The following PPP1R13B variants were observed in gnomAD, a reference collection of about 807,000 sequenced individuals.
PPP1R13B encodes protein phosphatase 1 regulatory subunit 13B.
PPP1R13B carries 44 observed loss-of-function variants against 119.8 expected under a neutral mutation model. The observed-to-expected ratio is 0.37, with a 90% CI of 0.29 to 0.47. PPP1R13B has a LOEUF of 0.47. Ranked by LOEUF, PPP1R13B falls within the 20% of genes least tolerant of loss-of-function variation. The pLI is 0.99. For synonymous variants in PPP1R13B, 542 were observed against 561.5 expected (o/e 0.97, Z 0.49); for missense variants, 1,227 against 1,413.5 (o/e 0.87, Z 2.12).
At chr14:103,828,356 C>A (rs374051389) in intron 1 of PPP1R13B, among the ~76,000 whole-genome samples, 1 of 128,774 alleles carries the variant, frequency 7.8e-6, no homozygotes, top group Non-Finnish European at 1.6e-5. Context: ...GCAACAAGAG[C>A]GAAACTCTGT....
intron 1 of PPP1R13B, chr14:103,804,094 T>C: frequency 1.0e-6 from 1 of 983,542 alleles, no homozygotes; most frequent in Non-Finnish European, 1.2e-6. Flanking sequence ...GCTCCATTTT[T>C]TTTTTCATTC....
At position 103,762,698 on chromosome 14, in the gene PPP1R13B, G is replaced by A. The variant is rs1339173980; in HGVS notation, c.355-4947C>T. ...AAACGGGAACCAAGAGCAAGAGAAC[G>A]ACTCAGTCCCTGGGTGTCGGCGGTG... On this transcript the variant is annotated intron_variant, in intron 4 of 16. Transcript: ENST00000202556. 2.1e-5 allele frequency: 12 copies of A among 573,008 alleles called. No individual in the cohort carries two copies. In the East Asian group the frequency reaches 2.9e-4, roughly 14 times the overall value. 35.5% of individuals were successfully genotyped at this position (573,008 alleles called of 1,614,324 possible).
At chr14:103,800,776 A>G (rs1038504062) in intron 1 of PPP1R13B, among the ~76,000 whole-genome samples, 2 of 152,202 alleles carry the variant, frequency 1.3e-5, no homozygotes, top group Admixed American at 6.5e-5. Flanking sequence ...ACCAAAATTG[A>G]TAACAGCTTT....
chr14:103,760,776 C>T (rs182080155), intron 4 of PPP1R13B, among the ~76,000 whole-genome samples: 28 of 152,308 alleles, frequency 1.8e-4, no homozygotes, highest in South Asian at 4.1e-4. Context: ...CGGCCCACCC[C>T]GCCTCAGGTC....
chr14:103,748,809 GC>G (rs2084464637), intron 8 of PPP1R13B, among the ~76,000 whole-genome samples: 1 of 152,202 alleles, frequency 6.6e-6, no homozygotes, highest in African/African-American at 2.4e-5. Context: ...AGGGGTATAG[GC>G]CCTGGGACCA....
At chr14:103,799,685 A>C (rs1429868822) in intron 1 of PPP1R13B, among the ~76,000 whole-genome samples, 2 of 151,570 alleles carry the variant, frequency 1.3e-5, no homozygotes, top group Non-Finnish European at 2.9e-5. Context: ...ATCATATTGG[A>C]AGGAAATTTT....
intron 4 of PPP1R13B, among the ~76,000 whole-genome samples, chr14:103,776,974 C>A (rs901362215): frequency 6.6e-6 from 1 of 151,922 alleles, no homozygotes. Context: ...CTATTTGGTT[C>A]ATTCTTTCAA....
chr14:103,741,998 A>C lies in PPP1R13B; in HGVS notation c.1614T>G (p.Phe538Leu), dbSNP rs761203745. The change falls in exon 11 of 17, where the codon TTT (phenylalanine) becomes TTG (leucine). Residue 538 changes from phenylalanine (F) to leucine (L), a missense_variant. Coordinates refer to ENST00000202556, the MANE Select transcript of PPP1R13B (RefSeq NM_015316.3). ...PTYPPAGPPAFPAGDSKPELP... is the reference protein window; with the variant it reads ...PTYPPAGPPALPAGDSKPELP... Reference sequence around the variant, plus strand: ...GTTCAGGCTTGCTGTCCCCAGCTGGAAATGCAGGTGGTCCCGCTGGCGGGT... The same window carrying C: ...GTTCAGGCTTGCTGTCCCCAGCTGGCAATGCAGGTGGTCCCGCTGGCGGGT... The C allele has an allele frequency of 6.2e-7, 1 of 1,614,264 alleles. No homozygotes were observed. Among genetic ancestry groups the C allele is most frequent in the South Asian group, 1.1e-5 (1 of 91,084 alleles).
intron 2 of PPP1R13B, among the ~76,000 whole-genome samples, chr14:103,793,108 G>C (rs1178827072): frequency 7.5e-6 from 1 of 134,208 alleles, no homozygotes; most frequent in Non-Finnish European, 1.6e-5. Context: ...GGGGAGGGAA[G>C]GGGAGGGAAG....
At position 103,784,803 on chromosome 14, in the gene PPP1R13B, C is replaced by T. The variant is rs2085418192; in HGVS notation, c.269G>A (p.Ser90Asn). 6.3e-7 allele frequency: 1 copy of T among 1,597,784 alleles called. No individual in the cohort carries two copies. Among genetic ancestry groups the T allele is most frequent in the African/African-American group, 1.3e-5 (1 of 74,658 alleles). Residue 90 changes from serine to asparagine, a missense_variant, in exon 3 of 17, where the codon AGT becomes AAT. Coordinates refer to ENST00000202556, the MANE Select transcript of PPP1R13B (RefSeq NM_015316.3). ...AGAAAGCAGTTATCTACCTTGTTCA[C>T]TGTTCTCAGTTGGGGAGTCCTCGTG... The part of the protein sequence containing the change: ...LRHEDSPTEN[S>N]EQGGRQTQEQ...
At chr14:103,831,006 C>T (rs908499683) in intron 1 of PPP1R13B, among the ~76,000 whole-genome samples, 2 of 150,304 alleles carry the variant, frequency 1.3e-5, no homozygotes, top group African/African-American at 4.9e-5. Flanking sequence ...TGCAACGGCA[C>T]GATCTTGGCT....
rs939390152 is a variant in PPP1R13B at position 103,766,031 on chromosome 14, C to T, written c.355-8280G>A. Among the ~76,000 whole-genome samples, 5 of 115,776 alleles carry T rather than the reference C, an allele frequency of 4.3e-5. 1 individual carries two copies. The highest frequency in any genetic ancestry group is 2.4e-4 in the East Asian group (1 of 4,232). 76.0% of individuals were successfully genotyped at this position (115,776 alleles called of 152,430 possible). ...TATTATTATTATTATTATTTTGAGACGGAGTCTAGCTCTGTCGCCCAGGCT... is the reference window on the plus strand; with the variant it reads ...TATTATTATTATTATTATTTTGAGATGGAGTCTAGCTCTGTCGCCCAGGCT... On this transcript the variant is annotated intron_variant, in intron 4 of 16. Coordinates refer to ENST00000202556, the MANE Select transcript of PPP1R13B (RefSeq NM_015316.3).
At chr14:103,782,970 A>G (rs906148314) in intron 3 of PPP1R13B, among the ~76,000 whole-genome samples, 2 of 151,688 alleles carry the variant, frequency 1.3e-5, no homozygotes, top group Non-Finnish European at 2.9e-5. Flanking sequence ...AAGCCTGGCT[A>G]ATTTTTGTAT....
At chr14:103,798,233 G>A (rs1031047482) in intron 1 of PPP1R13B, among the ~76,000 whole-genome samples, 40 of 147,186 alleles carry the variant, frequency 2.7e-4, no homozygotes, top group Non-Finnish European at 4.9e-4. Context: ...CTCACTGCAA[G>A]CTCTGCCTCC....
At chr14:103,778,672 C>T (rs749530357) in intron 4 of PPP1R13B, 73 bp downstream of exon 4, 6 of 1,271,070 alleles carry the variant, frequency 4.7e-6, no homozygotes, top group African/African-American at 1.5e-5. Flanking sequence ...TCCCAAAGTG[C>T]TGAGATTACA....
chr14:103,846,295 C>A (rs1350588345), intron 1 of PPP1R13B, among the ~76,000 whole-genome samples: 1 of 152,122 alleles, frequency 6.6e-6, no homozygotes, highest in Non-Finnish European at 1.5e-5. Context: ...GAAAGGAAAT[C>A]AAAGAGGAAG....
At chr14:103,800,104 C>A (rs1380488852) in intron 1 of PPP1R13B, among the ~76,000 whole-genome samples, 3 of 151,628 alleles carry the variant, frequency 2.0e-5, no homozygotes, top group African/African-American at 7.3e-5. Flanking sequence ...AAATTTAAAC[C>A]AAAGATTTTC....
chr14:103,832,613 G>A (rs971735579), intron 1 of PPP1R13B, among the ~76,000 whole-genome samples: 1 of 152,190 alleles, frequency 6.6e-6, no homozygotes, highest in Non-Finnish European at 1.5e-5. Flanking sequence ...TTCAACTCCA[G>A]ACACTTAAAG....
rs551104755 is a variant in PPP1R13B at position 103,846,513 on chromosome 14, C to T, written c.9+786G>A. Among the ~76,000 whole-genome samples, 145 of 152,338 alleles carry T rather than the reference C, an allele frequency of 9.5e-4. 3 individuals carry two copies. In the South Asian group the frequency reaches 0.015, roughly 16 times the overall value. ...GCTCAGAAAACCAATACCTCTCCAACTGGGTACAACCAGTCCCACATTTTT... is the reference window on the plus strand; with the variant it reads ...GCTCAGAAAACCAATACCTCTCCAATTGGGTACAACCAGTCCCACATTTTT... On this transcript the variant is annotated intron_variant, in intron 1 of 16. Coordinates refer to ENST00000202556, the MANE Select transcript of PPP1R13B (RefSeq NM_015316.3).
Sources: allele counts gnomAD v4.1 joint callset (sites outside exome capture counted in the v4.1 genomes callset), GRCh38; gene constraint gnomAD v4.1.1; transcripts MANE v1.5; gene names NCBI Gene and HGNC (gene_info 2026-07-23, HGNC 2026-07-21).